Variants in ADAMTS20 observed in about 807,000 individuals in gnomAD.
ADAMTS20 encodes the protein A disintegrin and metalloproteinase with thrombospondin motifs 20.
Under a neutral mutation model 260.1 loss-of-function variants are expected in ADAMTS20, and 225 were observed. The observed-to-expected ratio is 0.87, with a 90% confidence interval of 0.78 to 0.97. ADAMTS20 has a LOEUF of 0.97. ADAMTS20 is among the 50% of genes least tolerant of loss of function. ADAMTS20 has a pLI of 0.00. For synonymous variants in ADAMTS20, 802 were observed against 769.5 expected, an observed-to-expected ratio of 1.04 and a Z score of -0.70; for missense variants, 2,400 against 2,337.7, an observed-to-expected ratio of 1.03 and a Z score of -0.55.
chr12:43,376,760 C>G (rs1054799757), intron 32 of ADAMTS20, 107 bp from the exon 33 acceptor site: 1 of 1,316,640 alleles, frequency 7.6e-7, no homozygotes, highest in African/African-American at 1.5e-5. Context: ...CACTGAGGGT[C>G]AGTAGTGGCT....
chr12:43,481,381 G>A (rs1194409153), intron 7 of ADAMTS20, among the ~76,000 whole-genome samples: 1 of 152,134 alleles, frequency 6.6e-6, no homozygotes, highest in Non-Finnish European at 1.5e-5. Flanking sequence ...AAATTTATCT[G>A]CTAAGAACCT....
At chr12:43,547,407 A>G (rs1318967066) in intron 2 of ADAMTS20, among the ~76,000 whole-genome samples, 1 of 152,308 alleles carries the variant, frequency 6.6e-6, no homozygotes. Flanking sequence ...ATGTATGTAC[A>G]TTAACTTCTC....
chr12:43,404,346 C>A (rs1037528299), intron 28 of ADAMTS20, among the ~76,000 whole-genome samples: 2 of 151,934 alleles, frequency 1.3e-5, no homozygotes, highest in Non-Finnish European at 2.9e-5. Flanking sequence ...ACTTACTGAC[C>A]AATGTTTGTC....
Position 43,383,750 on chromosome 12 carries a change from G to T in ADAMTS20, c.4627-22C>A, listed in dbSNP as rs766864913. 5 of 1,613,548 alleles carry T rather than the reference G, an allele frequency of 3.1e-6. No homozygotes were observed. In the East Asian group the frequency reaches 1.1e-4, roughly 36 times the overall value. Reference sequence around the variant, plus strand: ...AACACTAGAAATGCAATAACCAAATGAATAACACATTCTTATATGCAGTGT... The same window carrying T: ...AACACTAGAAATGCAATAACCAAATTAATAACACATTCTTATATGCAGTGT... On this transcript the variant is annotated intron_variant, in intron 30 of 38. Coordinates refer to ENST00000389420, the MANE Select transcript of ADAMTS20 (RefSeq NM_025003.5).
Position 43,434,391 on chromosome 12 carries a change from AAAT to A in ADAMTS20, c.2594-23_2594-21del. The A allele has an allele frequency of 6.5e-7, 1 of 1,549,988 alleles. No homozygotes were observed. Among genetic ancestry groups the A allele is most frequent in the East Asian group, 2.3e-5 (1 of 42,880 alleles). On this transcript the variant is annotated intron_variant, in intron 18 of 38. Coordinates refer to ENST00000389420, the MANE Select transcript of ADAMTS20 (RefSeq NM_025003.5). ...GAAGACCTTGGCCAAAGTCAAATGA[AAAT>A]AAAAAATGAAAGAAAAATTCACAGT... is the stretch of plus-strand genomic sequence containing the variant.
chr12:43,404,173 G>T (rs1940867577), intron 28 of ADAMTS20, among the ~76,000 whole-genome samples: 1 of 118,954 alleles, frequency 8.4e-6, no homozygotes, highest in Non-Finnish European at 1.7e-5. Flanking sequence ...CAGACATATT[G>T]TGGGGACACA....
chr12:43,379,281 T>A (rs1355423734), intron 31 of ADAMTS20, among the ~76,000 whole-genome samples: 1 of 152,146 alleles, frequency 6.6e-6, no homozygotes, highest in African/African-American at 2.4e-5. Context: ...TGAATAACAG[T>A]TGGAGCAACA....
chr12:43,438,930 A>G (rs1941607221), intron 18 of ADAMTS20, among the ~76,000 whole-genome samples: 1 of 152,192 alleles, frequency 6.6e-6, no homozygotes, highest in Non-Finnish European at 1.5e-5. Context: ...ATATATATTC[A>G]TGCATCTGTT....
chr12:43,359,062 T>C (rs1240976084), intron 37 of ADAMTS20, among the ~76,000 whole-genome samples: 1 of 152,162 alleles, frequency 6.6e-6, no homozygotes, highest in Non-Finnish European at 1.5e-5. Flanking sequence ...TGTCTCTCTC[T>C]CCATACATGC....
chr12:43,387,919 G>C (rs10880479), intron 29 of ADAMTS20, among the ~76,000 whole-genome samples: 62,449 of 151,982 alleles, frequency 0.41, 14,392 homozygotes, highest in East Asian at 0.89. Context: ...TCAGACTGCC[G>C]TGCTGGCAGC....
At chr12:43,464,389 T>G (rs1942116845) in intron 10 of ADAMTS20, among the ~76,000 whole-genome samples, 1 of 152,154 alleles carries the variant, frequency 6.6e-6, no homozygotes, top group Non-Finnish European at 1.5e-5. Context: ...AAGATAATTT[T>G]TAAGTACCCA....
intron 3 of ADAMTS20, among the ~76,000 whole-genome samples, chr12:43,524,751 C>A (rs2134282): frequency 0.041 from 6,183 of 152,210 alleles, 388 homozygotes; most frequent in African/African-American, 0.14. Context: ...AGAACAATTA[C>A]AATGAAGCAT....
intron 4 of ADAMTS20, among the ~76,000 whole-genome samples, chr12:43,501,461 A>ACGCGCGCGCGCG (rs3036316): frequency 6.9e-5 from 9 of 131,238 alleles, no homozygotes; most frequent in Non-Finnish European, 1.3e-4. Flanking sequence ...GGAGGGGGAT[A>ACGCGCGCGCGCG]CGCGCGCGCG....
chr12:43,438,967 C>A (rs1034247366), intron 18 of ADAMTS20, among the ~76,000 whole-genome samples: 3 of 152,134 alleles, frequency 2.0e-5, no homozygotes, highest in African/African-American at 7.2e-5. Flanking sequence ...AACATGAATT[C>A]AGAATTGGGA....
intron 2 of ADAMTS20, among the ~76,000 whole-genome samples, chr12:43,542,217 C>T (rs753672969): frequency 2.6e-5 from 4 of 151,770 alleles, no homozygotes; most frequent in African/African-American, 9.7e-5. Flanking sequence ...CCAAAATATC[C>T]GTGAAAATAT....
chr12:43,542,769 C>A (rs1565588323), intron 2 of ADAMTS20, among the ~76,000 whole-genome samples: 1 of 152,154 alleles, frequency 6.6e-6, no homozygotes, highest in Admixed American at 6.5e-5. Flanking sequence ...CAGAAGCCAA[C>A]TAAGTTTTAG....
chr12:43,519,605 G>C (rs1272838953), intron 3 of ADAMTS20, among the ~76,000 whole-genome samples: 1 of 152,010 alleles, frequency 6.6e-6, no homozygotes, highest in African/African-American at 2.4e-5. Flanking sequence ...TTCTAACGTG[G>C]AGCATGAAAA....
At chr12:43,421,255 A>C (rs919150589) in intron 28 of ADAMTS20, among the ~76,000 whole-genome samples, 2 of 142,348 alleles carry the variant, frequency 1.4e-5, no homozygotes, top group African/African-American at 2.7e-5. Flanking sequence ...GCCAGAATTT[A>C]GGGTTCAAGT....
intron 18 of ADAMTS20, among the ~76,000 whole-genome samples, chr12:43,435,047 A>AC (rs5797865): frequency 0.77 from 116,958 of 152,150 alleles, 46,225 homozygotes; most frequent in East Asian, 1. Context: ...TAGATGAAGC[A>AC]AAGAGATTTG....
Sources: gnomAD v4.1 joint callset for allele counts (sites outside exome capture counted in the v4.1 genomes callset) on GRCh38, gnomAD v4.1.1 for gene constraint, MANE v1.5 for transcripts, NCBI Gene and HGNC (gene_info 2026-07-23, HGNC 2026-07-21) for gene names.